Variants in ZNF385D observed in about 807,000 individuals in gnomAD.
ZNF385D encodes zinc finger protein 659.
Under a neutral mutation model 35.8 loss-of-function variants are expected in ZNF385D, and 15 were observed. The ratio of observed to expected loss-of-function variants is 0.42; its 90% CI spans 0.28 to 0.64. The LOEUF (loss-of-function observed/expected upper bound fraction) is 0.64, where lower values mean the gene tolerates loss of function less well. Among genes scored for constraint, ZNF385D ranks in the 30% least tolerant of loss-of-function variants. ZNF385D has a pLI of 0.23. For missense variants in ZNF385D, 474 were observed against 494.6 expected, an observed-to-expected ratio of 0.96 and a Z score of 0.39; for synonymous variants, 212 against 186.8, an observed-to-expected ratio of 1.13 and a Z score of -1.10.
intron 3 of ZNF385D, among the ~76,000 whole-genome samples, chr3:22,095,015 C>G (rs544824190): frequency 3.8e-4 from 57 of 151,996 alleles, no homozygotes; most frequent in African/African-American, 1.3e-3. Context: ...TCAAGCAATC[C>G]TCCCACCTCA....
chr3:22,353,978 T>C (rs1341992026), intron 2 of ZNF385D, among the ~76,000 whole-genome samples: 1 of 152,068 alleles, frequency 6.6e-6, no homozygotes, highest in East Asian at 1.9e-4. Context: ...GGGCAATCAT[T>C]CTAATCACAA....
At chr3:21,732,030 G>GTTTTTTTTTTTTTTTTTTTT (rs1214143626) in intron 1 of ZNF385D, among the ~76,000 whole-genome samples, 4 of 37,370 alleles carry the variant, frequency 1.1e-4, no homozygotes, top group Non-Finnish European at 1.1e-4. Context: ...TTTTTTCGGG[G>GTTTTTTTTTTTTTTTTTTTT]TTTTTTTTTT....
chr3:22,210,218 T>C (rs1257290556), intron 2 of ZNF385D, among the ~76,000 whole-genome samples: 1 of 151,874 alleles, frequency 6.6e-6, no homozygotes, highest in Non-Finnish European at 1.5e-5. Context: ...CATAAAGATA[T>C]AGCTTCAAAT....
At chr3:21,767,946 A>T (rs554238095) in intron 3 of ZNF385D, among the ~76,000 whole-genome samples, 1 of 152,212 alleles carries the variant, frequency 6.6e-6, no homozygotes, top group Admixed American at 6.6e-5. Flanking sequence ...TCTAGCCAAA[A>T]ATTAAAAGAA....
At chr3:21,581,130 C>T (rs1441644721) in intron 2 of ZNF385D, among the ~76,000 whole-genome samples, 1 of 152,176 alleles carries the variant, frequency 6.6e-6, no homozygotes, top group African/African-American at 2.4e-5. Context: ...GCCAGGTCTA[C>T]ATTTCTCCAT....
intron 3 of ZNF385D, among the ~76,000 whole-genome samples, chr3:22,021,443 A>G (rs376093740): frequency 1.3e-3 from 202 of 152,192 alleles, no homozygotes; most frequent in South Asian, 3.1e-3. Flanking sequence ...CAATATTATT[A>G]CTAGAGTCAC....
chr3:21,871,732 G>T (rs562708513), intron 3 of ZNF385D, among the ~76,000 whole-genome samples: 1 of 152,058 alleles, frequency 6.6e-6, no homozygotes, highest in Non-Finnish European at 1.5e-5. Context: ...CAGGCCGGGC[G>T]CAGTGGCTCA....
chr3:21,412,454 C>A lies in ZNF385D; in HGVS notation c.*8760G>T, dbSNP rs1441935965. On this transcript the variant is annotated 3_prime_UTR_variant, in exon 8 of 8. Transcript: ENST00000281523. ...CTTCCTTAGAGCCTTCAAACTTAAACCAAGTTGAAAAAAAAAGTTTCCCAA... is the reference window on the plus strand; with the variant it reads ...CTTCCTTAGAGCCTTCAAACTTAAAACAAGTTGAAAAAAAAAGTTTCCCAA... The A allele has an allele frequency of 6.6e-6, 1 of 151,734 alleles. No individual in the cohort carries two copies. The highest frequency in any genetic ancestry group is 1.9e-4 in the East Asian group (1 of 5,154). 9.4% of individuals were successfully genotyped at this position (151,734 alleles called of 1,614,324 possible).
chr3:21,789,397 T>C (rs1402478520), intron 3 of ZNF385D, among the ~76,000 whole-genome samples: 1 of 151,920 alleles, frequency 6.6e-6, no homozygotes, highest in Non-Finnish European at 1.5e-5. Flanking sequence ...TACTTGGGAG[T>C]GGGGAGATCT....
chr3:21,773,303 C>G (rs950080457), intron 3 of ZNF385D, among the ~76,000 whole-genome samples: 1 of 151,792 alleles, frequency 6.6e-6, no homozygotes. Flanking sequence ...AAGTTCAAGC[C>G]TCTTAGTCTT....
intron 3 of ZNF385D, among the ~76,000 whole-genome samples, chr3:22,123,952 C>CTATA (rs1300029907): frequency 9.8e-5 from 10 of 102,104 alleles, no homozygotes; most frequent in Middle Eastern, 5.2e-3. Flanking sequence ...CTCTCTCTCT[C>CTATA]TCTCTCTCTC....
chr3:21,540,485 G>A (rs960253914), intron 3 of ZNF385D, among the ~76,000 whole-genome samples: 1 of 152,164 alleles, frequency 6.6e-6, no homozygotes, highest in Non-Finnish European at 1.5e-5. Context: ...AGTGATTGAT[G>A]GTTGGGACGA....
intron 2 of ZNF385D, among the ~76,000 whole-genome samples, chr3:22,308,823 C>T (rs1366034627): frequency 2.6e-5 from 4 of 152,032 alleles, no homozygotes; most frequent in South Asian, 2.1e-4. Flanking sequence ...GGATCTGCTC[C>T]GTTTTTCATG....
intron 2 of ZNF385D, among the ~76,000 whole-genome samples, chr3:21,662,927 C>T (rs1427793460): frequency 3.3e-5 from 5 of 152,148 alleles, no homozygotes; most frequent in Non-Finnish European, 7.3e-5. Flanking sequence ...AAACGATTAA[C>T]CCACACAACC....
intron 3 of ZNF385D, among the ~76,000 whole-genome samples, chr3:22,134,767 C>A (rs1481873307): frequency 6.6e-6 from 1 of 152,050 alleles, no homozygotes; most frequent in East Asian, 1.9e-4. Flanking sequence ...CTCCCTGTTG[C>A]TTCATACCAT....
chr3:21,489,362 T>C (rs922097019), intron 4 of ZNF385D, among the ~76,000 whole-genome samples: 9 of 152,086 alleles, frequency 5.9e-5, no homozygotes, highest in African/African-American at 2.2e-4. Context: ...ATTTGGTCCA[T>C]AGACAGAGAA....
At chr3:21,832,275 G>A (rs958436751) in intron 3 of ZNF385D, among the ~76,000 whole-genome samples, 4 of 152,126 alleles carry the variant, frequency 2.6e-5, no homozygotes, top group Non-Finnish European at 2.9e-5. Flanking sequence ...ACTGCAACAA[G>A]TCTTACAGAA....
chr3:22,180,914 C>CTTTTTGTTTTTTTT (rs1695211556), intron 2 of ZNF385D, among the ~76,000 whole-genome samples: 1 of 113,010 alleles, frequency 8.8e-6, no homozygotes, highest in Non-Finnish European at 1.7e-5. Flanking sequence ...TGCTTTTGTT[C>CTTTTTGTTTTTTTT]TTTTTTTTTT....
At chr3:21,649,584 G>A (rs1341038873) in intron 2 of ZNF385D, among the ~76,000 whole-genome samples, 1 of 152,146 alleles carries the variant, frequency 6.6e-6, no homozygotes, top group Non-Finnish European at 1.5e-5. Flanking sequence ...CAACTCTTCA[G>A]ACCCAGAAGA....
Sources: gnomAD v4.1 joint callset for allele counts (sites outside exome capture counted in the v4.1 genomes callset) on GRCh38, gnomAD v4.1.1 for gene constraint, MANE v1.5 for transcripts, NCBI Gene and HGNC (gene_info 2026-07-23, HGNC 2026-07-21) for gene names.